The following GALNT16 variants were observed in gnomAD, a reference collection of about 807,000 sequenced individuals.
GALNT16 encodes the protein UDP-GalNAc:polypeptide N-acetylgalactosaminyltransferase-like protein 1.
GALNT16 carries 40 observed loss-of-function variants against 76.1 expected under a neutral mutation model. That is an observed-to-expected ratio of 0.53 (90% CI 0.41 to 0.68). GALNT16 has a LOEUF of 0.68. Ranked by LOEUF, GALNT16 falls within the 30% of genes least tolerant of loss-of-function variation. GALNT16 has a pLI of 0.00. For synonymous variants in GALNT16, 276 were observed against 285.2 expected, an observed-to-expected ratio of 0.97 and a Z score of 0.32; for missense variants, 621 against 731.9, an observed-to-expected ratio of 0.85 and a Z score of 1.75.
intron 1 of GALNT16, among the ~76,000 whole-genome samples, chr14:69,288,516 T>C (rs1161385085): frequency 6.6e-6 from 1 of 152,170 alleles, no homozygotes; most frequent in Non-Finnish European, 1.5e-5. Flanking sequence ...GCCCCTATGC[T>C]TTCCCAACAC....
intron 9 of GALNT16, among the ~76,000 whole-genome samples, chr14:69,337,110 C>G (rs1594861111): frequency 6.6e-6 from 1 of 152,188 alleles, no homozygotes; most frequent in Non-Finnish European, 1.5e-5. Context: ...TCTCACTTCC[C>G]TGCTAGAGTA....
the GALNT16 span, among the ~76,000 whole-genome samples, chr14:69,382,644 C>G: frequency 6.7e-6 from 1 of 149,796 alleles, no homozygotes; most frequent in Non-Finnish European, 1.5e-5. Context: ...CCATCCTGAC[C>G]AACATTGTGA....
chr14:69,275,279 T>A (rs987077946), intron 1 of GALNT16, among the ~76,000 whole-genome samples: 64 of 152,264 alleles, frequency 4.2e-4, no homozygotes, highest in African/African-American at 1.4e-3. Context: ...TTGGTGTTAT[T>A]TATTATACCC....
rs533607728 is a variant in GALNT16, at chr14:69,286,122, A to G, written c.177+25655A>G. Among the ~76,000 whole-genome samples the G allele has an allele frequency of 7.9e-5, 12 of 152,284 alleles. No individual in the cohort carries two copies. In the South Asian group the frequency reaches 2.5e-3, roughly 32 times the overall value. Reference sequence around the variant, plus strand: ...GGCAACTCACTGTGGCCAGGTGCTCAGAACCACAGGGCGCAGAACTCATAG... The same window carrying G: ...GGCAACTCACTGTGGCCAGGTGCTCGGAACCACAGGGCGCAGAACTCATAG... On this transcript the variant is annotated intron_variant, in intron 1 of 14. Coordinates refer to ENST00000448469, the MANE Select transcript of GALNT16 (RefSeq NM_001168368.2).
chr14:69,373,798 C>G, the GALNT16 span, among the ~76,000 whole-genome samples: 1 of 151,480 alleles, frequency 6.6e-6, no homozygotes, highest in Admixed American at 6.6e-5. Context: ...TTTTTTGACA[C>G]AGGGTCTCAA....
the GALNT16 span, among the ~76,000 whole-genome samples, chr14:69,383,278 G>C: frequency 6.6e-6 from 1 of 152,212 alleles, no homozygotes. Context: ...GTTTAGTCAT[G>C]TTACAAAGTA....
rs561476691 is a variant in GALNT16, at chr14:69,336,821, G to A, written c.968-1830G>A. On this transcript the variant is annotated intron_variant, in intron 9 of 14. Transcript: ENST00000448469. ...TGGCTCACTGAAACCTCTGCCTCCC[G>A]GGTTCAAACAATTCTGCCTCAGCCT... Among the ~76,000 whole-genome samples the A allele has an allele frequency of 7.1e-4, 107 of 151,728 alleles. 1 individual carries two copies. The highest frequency in any genetic ancestry group is 2.6e-3 in the Admixed American group (39 of 15,246).
intron 1 of GALNT16, among the ~76,000 whole-genome samples, chr14:69,280,769 G>A (rs2044530162): frequency 6.6e-6 from 1 of 152,068 alleles, no homozygotes; most frequent in Admixed American, 6.6e-5. Flanking sequence ...GTGGCAGATT[G>A]GGGGAACATC....
At chr14:69,339,400 C>A in intron 10 of GALNT16, 127 bp from the exon 11 acceptor site, 1 of 714,544 alleles carries the variant, frequency 1.4e-6, no homozygotes, top group South Asian at 1.6e-5. Flanking sequence ...TAATCTATAC[C>A]ATCCAAGTAT....
intron 1 of GALNT16, among the ~76,000 whole-genome samples, chr14:69,306,036 C>T (rs1285948598): frequency 3.3e-5 from 5 of 152,148 alleles, no homozygotes; most frequent in Admixed American, 6.5e-5. Flanking sequence ...TTCATCATTG[C>T]GTATTCTTGG....
At chr14:69,300,665 C>T (rs953548955) in intron 1 of GALNT16, among the ~76,000 whole-genome samples, 4 of 152,156 alleles carry the variant, frequency 2.6e-5, no homozygotes, top group African/African-American at 9.7e-5. Flanking sequence ...GCAGGCCCTC[C>T]TCCTAGGTCC....
chr14:69,375,965 G>A, the GALNT16 span, among the ~76,000 whole-genome samples: 4 of 152,026 alleles, frequency 2.6e-5, no homozygotes, highest in Admixed American at 6.6e-5. Flanking sequence ...TAACTTTTCA[G>A]TCTACCGTCG....
intron 1 of GALNT16, among the ~76,000 whole-genome samples, chr14:69,260,879 G>A (rs1026258214): frequency 1.3e-5 from 2 of 152,032 alleles, no homozygotes; most frequent in Non-Finnish European, 2.9e-5. Context: ...GCGCGTAGGT[G>A]GCAGTGCGCA....
intron 1 of GALNT16, among the ~76,000 whole-genome samples, chr14:69,286,239 T>C (rs898333295): frequency 6.6e-6 from 1 of 151,852 alleles, no homozygotes; most frequent in Non-Finnish European, 1.5e-5. Flanking sequence ...ATATTACTGC[T>C]CTATTTCTTG....
the GALNT16 span, among the ~76,000 whole-genome samples, chr14:69,371,630 C>CT: frequency 6.6e-5 from 10 of 151,882 alleles, no homozygotes; most frequent in Non-Finnish European, 1.3e-4. Flanking sequence ...GTGCAAAACT[C>CT]TTAAGAGTTT....
intron 9 of GALNT16, among the ~76,000 whole-genome samples, chr14:69,335,746 A>C (rs1304413372): frequency 1.3e-5 from 2 of 151,638 alleles, no homozygotes; most frequent in Non-Finnish European, 2.9e-5. Context: ...GAGCTATGAG[A>C]CTCCTGTCGC....
chr14:69,356,324 C>T (rs56137363), downstream of GALNT16: 67,203 of 151,804 alleles, frequency 0.44, 15,098 homozygotes, highest in Middle Eastern at 0.6. Context: ...ACTAGGGGTG[C>T]GGACTCTTGG....
At chr14:69,294,035 T>C (rs8006103) in intron 1 of GALNT16, among the ~76,000 whole-genome samples, 49,080 of 151,722 alleles carry the variant, frequency 0.32, 9,041 homozygotes, top group East Asian at 0.8. Context: ...GGACTAGAGG[T>C]GTGCACCACC....
chr14:69,328,918 G>T (rs1433726175), intron 6 of GALNT16, among the ~76,000 whole-genome samples: 1 of 152,200 alleles, frequency 6.6e-6, no homozygotes, highest in African/African-American at 2.4e-5. Flanking sequence ...AGGGAGCAGA[G>T]GATGTTGTTC....
Sources: gnomAD v4.1 joint callset for allele counts (sites outside exome capture counted in the v4.1 genomes callset) on GRCh38, gnomAD v4.1.1 for gene constraint, MANE v1.5 for transcripts, NCBI Gene and HGNC (gene_info 2026-07-23, HGNC 2026-07-21) for gene names.